LYRM4: variants seen among roughly 807,000 people sequenced by gnomAD.
LYRM4 encodes the protein LYR motif containing 4.
A neutral mutation model predicts 11.7 loss-of-function variants in LYRM4; 9 were observed. The observed-to-expected ratio is 0.77, with a 90% CI of 0.46 to 1.34. LYRM4 has a LOEUF of 1.34. LYRM4 is among the 40% of genes most tolerant of loss of function. The pLI is 0.00. For missense variants in LYRM4, 133 were observed against 112.5 expected, an observed-to-expected ratio of 1.18 and a Z score of -0.82; for synonymous variants, 42 against 40.4, an observed-to-expected ratio of 1.04 and a Z score of -0.15.
chr6:5,112,611 G>A (rs1762933642), intron 2 of LYRM4, among the ~76,000 whole-genome samples: 1 of 152,242 alleles, frequency 6.6e-6, no homozygotes, highest in Non-Finnish European at 1.5e-5. Context: ...GAGACTTTCA[G>A]ATGTGATCAA....
intron 2 of LYRM4, among the ~76,000 whole-genome samples, chr6:5,123,229 C>G (rs1488480103): frequency 6.6e-6 from 1 of 152,194 alleles, no homozygotes; most frequent in Non-Finnish European, 1.5e-5. Context: ...TCAGCACACA[C>G]GTCCTCATCC....
At chr6:5,219,955 A>G (rs751498363) in intron 1 of LYRM4, among the ~76,000 whole-genome samples, 67 of 152,210 alleles carry the variant, frequency 4.4e-4, no homozygotes, top group Non-Finnish European at 7.3e-4. Context: ...CCCCACAGCC[A>G]CAGAAACAGT....
chr6:5,059,243 A>G, the LYRM4 span, among the ~76,000 whole-genome samples: 1 of 149,242 alleles, frequency 6.7e-6, no homozygotes, highest in Non-Finnish European at 1.5e-5. Flanking sequence ...CGGGAGGCTG[A>G]GGTGGGAGGA....
chr6:5,093,312 A>G, the LYRM4 span, among the ~76,000 whole-genome samples: 233 of 152,334 alleles, frequency 1.5e-3, 1 homozygote, highest in Non-Finnish European at 1.4e-3. Flanking sequence ...TGTATTGTAA[A>G]AATATTAAGT....
At chr6:5,235,929 G>T (rs1763512194) in intron 1 of LYRM4, among the ~76,000 whole-genome samples, 1 of 152,098 alleles carries the variant, frequency 6.6e-6, no homozygotes, top group Non-Finnish European at 1.5e-5. Context: ...ATAATATACT[G>T]GCCTAGAATA....
At chr6:5,129,425 C>T (rs1353165620) in intron 2 of LYRM4, among the ~76,000 whole-genome samples, 1 of 152,148 alleles carries the variant, frequency 6.6e-6, no homozygotes, top group Non-Finnish European at 1.5e-5. Flanking sequence ...GTTTCCTTGT[C>T]TTTTCCAGCT....
the LYRM4 span, among the ~76,000 whole-genome samples, chr6:5,091,236 G>A: frequency 1.3e-5 from 2 of 152,188 alleles, no homozygotes; most frequent in Admixed American, 6.5e-5. Flanking sequence ...CTGACAATCC[G>A]GGCTCATTGC....
At chr6:5,032,717 A>G in the LYRM4 span, 1 of 152,336 alleles carries the variant, frequency 6.6e-6, no homozygotes, top group South Asian at 2.1e-4. Flanking sequence ...AACTGACTTT[A>G]CTTTTGGATC....
chr6:5,223,267 T>C (rs1479986340), intron 1 of LYRM4, among the ~76,000 whole-genome samples: 2 of 152,166 alleles, frequency 1.3e-5, no homozygotes, highest in South Asian at 2.1e-4. Flanking sequence ...GAGGGTACAA[T>C]AGGATAACAA....
At chr6:5,032,518 A>G in the LYRM4 span, 1 of 152,244 alleles carries the variant, frequency 6.6e-6, no homozygotes, top group Non-Finnish European at 1.5e-5. Flanking sequence ...TCAGAGGCGC[A>G]GTTTGACTAC....
the LYRM4 span, chr6:5,034,800 G>C: frequency 3.8e-5 from 1 of 26,480 alleles, no homozygotes; most frequent in African/African-American, 1.0e-4. Context: ...ATTGTTGTGA[G>C]TCTGAAAGCC....
At chr6:5,083,593 G>C in the LYRM4 span, among the ~76,000 whole-genome samples, 1 of 152,226 alleles carries the variant, frequency 6.6e-6, no homozygotes, top group East Asian at 1.9e-4. Context: ...CCTTGGCGAT[G>C]AGAAATCTTT....
the LYRM4 span, among the ~76,000 whole-genome samples, chr6:5,081,013 C>T: frequency 1.3e-5 from 2 of 152,006 alleles, no homozygotes; most frequent in Non-Finnish European, 2.9e-5. Flanking sequence ...TTTGGGGTGG[C>T]TTGTTATGCA....
intron 2 of LYRM4, among the ~76,000 whole-genome samples, chr6:5,160,302 A>G (rs1001042959): frequency 1.3e-5 from 2 of 152,076 alleles, no homozygotes; most frequent in African/African-American, 4.8e-5. Flanking sequence ...TCAGCTGAGA[A>G]GTGGAGAGCA....
chr6:5,131,101 T>C (rs1284829188), intron 2 of LYRM4, among the ~76,000 whole-genome samples: 1 of 152,124 alleles, frequency 6.6e-6, no homozygotes, highest in East Asian at 1.9e-4. Context: ...ACCGGGTATA[T>C]ATGCGGGGGA....
intron 1 of LYRM4, among the ~76,000 whole-genome samples, chr6:5,242,643 A>T (rs934728896): frequency 1.3e-5 from 2 of 151,440 alleles, no homozygotes; most frequent in African/African-American, 2.4e-5. Context: ...CCACTTGAAC[A>T]TGGAGGCAGA....
chr6:5,125,611 C>A (rs1247203058), intron 2 of LYRM4, among the ~76,000 whole-genome samples: 1 of 152,234 alleles, frequency 6.6e-6, no homozygotes, highest in East Asian at 1.9e-4. Context: ...GGAGTTGCCA[C>A]AAGCCTGCAG....
the LYRM4 span, among the ~76,000 whole-genome samples, chr6:5,071,669 GCT>G: frequency 6.6e-6 from 1 of 151,742 alleles, no homozygotes; most frequent in Admixed American, 6.6e-5. Flanking sequence ...ACAGAGTTTT[GCT>G]CTGTCACACA....
chr6:5,120,733 T>A (rs411893), intron 2 of LYRM4, among the ~76,000 whole-genome samples: 91,234 of 152,012 alleles, frequency 0.6, 28,332 homozygotes, highest in East Asian at 0.92. Context: ...CTAGCTAGCC[T>A]CAGAGCGCTG....
Sources: allele counts gnomAD v4.1 joint callset (sites outside exome capture counted in the v4.1 genomes callset), GRCh38; gene constraint gnomAD v4.1.1; transcripts MANE v1.5; gene names NCBI Gene and HGNC (gene_info 2026-07-23, HGNC 2026-07-21).